Variants in RAB11FIP4 observed in about 807,000 individuals in gnomAD.
RAB11FIP4 encodes RAB11 family interacting protein 4.
RAB11FIP4 carries 23 observed loss-of-function variants against 74.3 expected under a neutral mutation model. The observed-to-expected ratio is 0.31, with a 90% confidence interval of 0.22 to 0.44. The LOEUF (loss-of-function observed/expected upper bound fraction) is 0.44. Among genes scored for constraint, RAB11FIP4 ranks in the 20% least tolerant of loss-of-function variants. RAB11FIP4 has a pLI of 1.00. For synonymous variants in RAB11FIP4, 360 were observed against 359.9 expected, an observed-to-expected ratio of 1.00 and a Z score of 0.00; for missense variants, 630 against 863.9, an observed-to-expected ratio of 0.73 and a Z score of 3.39.
At chr17:31,480,138 C>T (rs1247878251) in intron 3 of RAB11FIP4, among the ~76,000 whole-genome samples, 1 of 152,100 alleles carries the variant, frequency 6.6e-6, no homozygotes, top group African/African-American at 2.4e-5. Flanking sequence ...GTCTTCTGGC[C>T]CTGAGTTCCA....
chr17:31,510,234 CCT>C (rs1445001619), intron 3 of RAB11FIP4, among the ~76,000 whole-genome samples: 1 of 152,206 alleles, frequency 6.6e-6, no homozygotes, highest in Admixed American at 6.5e-5. Flanking sequence ...CCCCGTGAGA[CCT>C]TGACCTGGCC....
At chr17:31,460,014 C>T (rs2071620109) in intron 3 of RAB11FIP4, among the ~76,000 whole-genome samples, 1 of 152,180 alleles carries the variant, frequency 6.6e-6, no homozygotes, top group Non-Finnish European at 1.5e-5. Flanking sequence ...TCAGGTGCCT[C>T]TTGAGGAAAA....
chr17:31,529,231 A>C (rs2072825616), intron 13 of RAB11FIP4, among the ~76,000 whole-genome samples: 1 of 151,422 alleles, frequency 6.6e-6, no homozygotes, highest in Non-Finnish European at 1.5e-5. Context: ...CCTAGTAACT[A>C]GGACTACAGG....
chr17:31,503,373 C>T (rs1403525297), intron 3 of RAB11FIP4, among the ~76,000 whole-genome samples: 1 of 149,652 alleles, frequency 6.7e-6, no homozygotes, highest in Non-Finnish European at 1.5e-5. Context: ...CAAATACAGT[C>T]ACATTCTGAA....
chr17:31,465,531 A>AGTT (rs1360379125), intron 3 of RAB11FIP4: 3 of 144,524 alleles, frequency 2.1e-5, no homozygotes, highest in Non-Finnish European at 4.5e-5. Flanking sequence ...AAAAAAAAGA[A>AGTT]CCCCAGCCCC....
At chr17:31,498,599 C>T (rs1597957481) in intron 3 of RAB11FIP4, among the ~76,000 whole-genome samples, 1 of 152,322 alleles carries the variant, frequency 6.6e-6, no homozygotes, top group East Asian at 1.9e-4. Flanking sequence ...AACATCGGTG[C>T]TCTGCTGGCT....
intron 10 of RAB11FIP4, chr17:31,527,461 C>T (rs902153749): frequency 2.8e-5 from 5 of 175,528 alleles, no homozygotes; most frequent in Admixed American, 1.2e-4. Flanking sequence ...ATTAGCTAGG[C>T]GTGGTGGTGC....
intron 3 of RAB11FIP4, among the ~76,000 whole-genome samples, chr17:31,516,510 C>T (rs904527822): frequency 6.6e-6 from 1 of 152,230 alleles, no homozygotes; most frequent in South Asian, 2.1e-4. Flanking sequence ...TGCTCTGTCA[C>T]CCAGGCCGAA....
chr17:31,406,626 G>T (rs1283708583), intron 1 of RAB11FIP4, among the ~76,000 whole-genome samples: 1 of 152,196 alleles, frequency 6.6e-6, no homozygotes, highest in Non-Finnish European at 1.5e-5. Flanking sequence ...AATTGCTCAT[G>T]AGACTTTGCA....
intron 4 of RAB11FIP4, 111 bp from the exon 5 acceptor site, chr17:31,521,055 A>G (rs1013665819): frequency 1.1e-5 from 9 of 819,898 alleles, no homozygotes; most frequent in East Asian, 1.1e-4. Flanking sequence ...AAGAGCTACA[A>G]ACTTAATCGG....
intron 1 of RAB11FIP4, chr17:31,392,300 G>T: frequency 3.8e-6 from 1 of 265,164 alleles, no homozygotes; most frequent in Non-Finnish European, 7.2e-6. Flanking sequence ...TGAGCGGTCT[G>T]CACATCCACC....
chr17:31,470,747 C>CACAGATGTG (rs1430441987), intron 3 of RAB11FIP4, among the ~76,000 whole-genome samples: 1 of 152,190 alleles, frequency 6.6e-6, no homozygotes, highest in East Asian at 1.9e-4. Context: ...ATCCCTATTT[C>CACAGATGTG]ACAGATGTGA....
intron 3 of RAB11FIP4, among the ~76,000 whole-genome samples, chr17:31,452,453 G>A (rs1281315092): frequency 1.3e-5 from 2 of 152,124 alleles, no homozygotes; most frequent in Non-Finnish European, 2.9e-5. Flanking sequence ...TCTGCAGCTG[G>A]GCTCTCTCGC....
In RAB11FIP4 at chr17:31,506,435, CATT is replaced by C. The variant is rs1212357897; in HGVS notation, c.337-11215_337-11213del. On this transcript the variant is annotated intron_variant, in intron 3 of 14. Transcript: ENST00000621161. ...TATCTTCTAGCTATTTTTAAATACA[CATT>C]GTTGTTAATTGTAGTAACCTTACTG... Among the ~76,000 whole-genome samples the C allele has an allele frequency of 8.5e-5, 13 of 152,304 alleles. No homozygotes were observed. In the East Asian group the frequency reaches 1.7e-3, roughly 20 times the overall value.
At chr17:31,521,434 G>A (rs1469455750) in intron 5 of RAB11FIP4, 74 bp downstream of exon 5, 6 of 1,334,054 alleles carry the variant, frequency 4.5e-6, no homozygotes, top group Non-Finnish European at 6.1e-6. Flanking sequence ...TAGGGGGTGG[G>A]GGGGTGCGAG....
chr17:31,405,680 T>A (rs915426901), intron 1 of RAB11FIP4, among the ~76,000 whole-genome samples: 1 of 152,202 alleles, frequency 6.6e-6, no homozygotes, highest in Non-Finnish European at 1.5e-5. Context: ...AGCAAAAAAA[T>A]TATCAAATAT....
intron 3 of RAB11FIP4, among the ~76,000 whole-genome samples, chr17:31,453,792 C>CAAAAAAAA (rs555119408): frequency 6.4e-5 from 4 of 62,588 alleles, no homozygotes; most frequent in Non-Finnish European, 1.0e-4. Context: ...AGACTCGTCT[C>CAAAAAAAA]AAAAAAAAAA....
At position 31,512,574 on chromosome 17, in the gene RAB11FIP4, T is replaced by A. The variant is rs2142795784; in HGVS notation, c.337-5077T>A. Among the ~76,000 whole-genome samples the A allele has an allele frequency of 6.6e-6, 1 of 152,266 alleles. No individual in the cohort carries two copies. The highest frequency in any genetic ancestry group is 1.9e-4 in the East Asian group (1 of 5,174). ...CATGTACCAGCCAAGCCTGTGGGCC[T>A]ATGGTGGCTGGCCCTGTGTCCCAGG... On this transcript the variant is annotated intron_variant, in intron 3 of 14. Transcript: ENST00000621161. The surrounding 1 kb of genome is among the most constrained non-coding windows in gnomAD (Gnocchi z 4.1).
In RAB11FIP4 at chr17:31,486,940, G is replaced by C. The variant is rs539636632; in HGVS notation, c.337-30711G>C. The stretch of plus-strand genomic sequence containing the variant: ...AGGAAGTTGACAGCCAAGAGGCAGA[G>C]AAGTGGGCAAAGCTGGTGCGTGTGT... On this transcript the variant is annotated intron_variant, in intron 3 of 14. Transcript: ENST00000621161. Among the ~76,000 whole-genome samples the C allele has an allele frequency of 5.9e-5, 9 of 152,348 alleles. No homozygotes were observed. In the East Asian group the frequency reaches 1.2e-3, roughly 20 times the overall value.
Sources: gnomAD v4.1 joint callset for allele counts (sites outside exome capture counted in the v4.1 genomes callset) on GRCh38, gnomAD v4.1.1 for gene constraint, Gnocchi (gnomAD v3.1) non-coding constraint, MANE v1.5 for transcripts, NCBI Gene and HGNC (gene_info 2026-07-23, HGNC 2026-07-21) for gene names.